Variants in CCDC102B observed in about 807,000 individuals in gnomAD.
CCDC102B encodes the protein coiled-coil domain-containing protein 102B.
In CCDC102B, 75 loss-of-function variants were observed where a neutral mutation model predicts 57.4. The ratio of observed to expected loss-of-function variants is 1.31; its 90% CI spans 1.08 to 1.58. The LOEUF (loss-of-function observed/expected upper bound fraction) is 1.58. Among genes scored for constraint, CCDC102B ranks in the 40% most tolerant of loss-of-function variants. The probability of loss-of-function intolerance (pLI) is 0.00; values close to 1 mark genes in which losing one functional copy is unlikely to be tolerated. For missense variants in CCDC102B, 636 were observed against 582.6 expected (o/e 1.09, Z -0.94); for synonymous variants, 206 against 201.9 (o/e 1.02, Z -0.17).
intron 5 of CCDC102B, among the ~76,000 whole-genome samples, chr18:68,884,452 C>T (rs1568310269): frequency 6.6e-6 from 1 of 151,820 alleles, no homozygotes; most frequent in Non-Finnish European, 1.5e-5. Flanking sequence ...TACATGTGAA[C>T]TCTAAAAATA....
intron 7 of CCDC102B, among the ~76,000 whole-genome samples, chr18:69,022,222 T>TATAAAA (rs1395799223): frequency 1.1e-4 from 10 of 95,008 alleles, no homozygotes; most frequent in African/African-American, 3.6e-4. Flanking sequence ...TATATATATA[T>TATAAAA]AACACACACA....
chr18:68,950,312 T>G (rs564175728), intron 6 of CCDC102B, among the ~76,000 whole-genome samples: 1 of 152,264 alleles, frequency 6.6e-6, no homozygotes, highest in African/African-American at 2.4e-5. Context: ...TATCCAGAGC[T>G]TAAGACTCAA....
intron 6 of CCDC102B, among the ~76,000 whole-genome samples, chr18:68,925,639 A>G (rs2145123170): frequency 6.6e-6 from 1 of 152,164 alleles, no homozygotes; most frequent in East Asian, 1.9e-4. Flanking sequence ...TTAAGCTATA[A>G]CATAAGTTGT....
At chr18:68,740,428 T>C (rs2145221130) in intron 2 of CCDC102B, among the ~76,000 whole-genome samples, 1 of 152,360 alleles carries the variant, frequency 6.6e-6, no homozygotes, top group East Asian at 1.9e-4. Flanking sequence ...ATCCCCATTA[T>C]AGTTTCCATA....
At chr18:68,744,630 A>G (rs2033539816) in intron 2 of CCDC102B, among the ~76,000 whole-genome samples, 1 of 152,082 alleles carries the variant, frequency 6.6e-6, no homozygotes, top group Non-Finnish European at 1.5e-5. Context: ...GAGGTCTCAT[A>G]CCATGGATTC....
intron 6 of CCDC102B, among the ~76,000 whole-genome samples, chr18:68,951,835 C>T (rs1025651516): frequency 2.6e-5 from 4 of 151,614 alleles, no homozygotes. Flanking sequence ...GAAAAACTGA[C>T]AGGTTATTTT....
chr18:68,849,514 C>T (rs2038028364), intron 4 of CCDC102B, among the ~76,000 whole-genome samples: 2 of 152,114 alleles, frequency 1.3e-5, no homozygotes, highest in Admixed American at 6.6e-5. Flanking sequence ...TTGCCTTTTC[C>T]TTCCAGGTCT....
At chr18:68,970,801 G>A (rs2050282720) in intron 6 of CCDC102B, among the ~76,000 whole-genome samples, 3 of 151,920 alleles carry the variant, frequency 2.0e-5, no homozygotes, top group Admixed American at 6.6e-5. Context: ...AGTACATGTG[G>A]AATCTGTAAT....
At chr18:68,734,007 T>C (rs1206608877) in intron 2 of CCDC102B, among the ~76,000 whole-genome samples, 2 of 152,178 alleles carry the variant, frequency 1.3e-5, no homozygotes, top group Admixed American at 6.5e-5. Flanking sequence ...AACAACAGTC[T>C]ACACGTTATT....
chr18:68,837,291 G>C lies in CCDC102B; in HGVS notation c.528G>C (p.Leu176Phe). 1 of 1,614,012 alleles carries C rather than the reference G, an allele frequency of 6.2e-7. No individual in the cohort carries two copies. Among genetic ancestry groups the C allele is most frequent in the Non-Finnish European group, 8.5e-7 (1 of 1,179,956 alleles). ...ESCEHTDQFQ[L>F]SSQMHESIRE... Reference sequence around the variant, plus strand: ...GTGAACATACAGACCAATTTCAATTGAGTTCACAAATGCATGAGTCTATCA... The same window carrying C: ...GTGAACATACAGACCAATTTCAATTCAGTTCACAAATGCATGAGTCTATCA... The change falls in exon 2 of 8, where the codon TTG becomes TTC. Residue 176 changes from leucine (L) to phenylalanine (F), a missense_variant. Transcript: ENST00000360242.
At chr18:68,948,540 T>G (rs1199352148) in intron 6 of CCDC102B, among the ~76,000 whole-genome samples, 3 of 152,106 alleles carry the variant, frequency 2.0e-5, no homozygotes, top group Non-Finnish European at 2.9e-5. Flanking sequence ...CAGAACTTCA[T>G]GATCACCAAA....
rs1214989078 is a variant in CCDC102B, at chr18:68,720,525, T to C, written c.-67+3931T>C. Among the ~76,000 whole-genome samples the C allele has an allele frequency of 2.0e-5, 3 of 152,306 alleles. No homozygotes were observed. The East Asian group carries it at 5.8e-4, about 29-fold the overall frequency. On this transcript the variant is annotated intron_variant, in intron 2 of 3. Transcript: ENST00000578970. ...AAGCGTTCTATGCACATGAACGTGG[T>C]TCCTGATCCAAGAGAGAACGTGCAC...
In CCDC102B at chr18:68,838,767, G is replaced by C. The variant is rs749112534; in HGVS notation, c.668G>C (p.Gly223Ala). The C allele has an allele frequency of 6.2e-7, 1 of 1,614,024 alleles. No homozygotes were observed. The highest frequency in any genetic ancestry group is 8.5e-7 in the Non-Finnish European group (1 of 1,179,954). The change falls in exon 3 of 8, where the codon GGT becomes GCT. Residue 223 changes from glycine to alanine, a missense_variant. Coordinates refer to ENST00000360242, the MANE Select transcript of CCDC102B (RefSeq NM_024781.3). ...GAGGAGATGAAGCCCAATCTAGATG[G>C]TGTTGATTTATTCAACAATGGTGGT... is the stretch of plus-strand genomic sequence containing the variant. ...LSEEMKPNLDGVDLFNNGGSG... is the reference protein window; with the variant it reads ...LSEEMKPNLDAVDLFNNGGSG...
intron 6 of CCDC102B, among the ~76,000 whole-genome samples, chr18:68,906,555 C>G (rs2040651581): frequency 6.6e-6 from 1 of 151,996 alleles, no homozygotes; most frequent in Non-Finnish European, 1.5e-5. Context: ...GGTTTGGTTT[C>G]TCATTGTGAT....
chr18:69,050,717 G>A (rs888749384), intron 7 of CCDC102B, among the ~76,000 whole-genome samples: 2 of 151,936 alleles, frequency 1.3e-5, no homozygotes, highest in African/African-American at 2.4e-5. Context: ...AGACACACAT[G>A]GGAAAACTGT....
intron 7 of CCDC102B, among the ~76,000 whole-genome samples, chr18:69,052,964 C>A (rs2052745367): frequency 6.6e-6 from 1 of 151,778 alleles, no homozygotes; most frequent in Non-Finnish European, 1.5e-5. Context: ...AGATTAGTGG[C>A]AAATACTACC....
chr18:68,884,056 A>G (rs891383116), intron 5 of CCDC102B, among the ~76,000 whole-genome samples: 15 of 152,178 alleles, frequency 9.9e-5, no homozygotes, highest in African/African-American at 3.1e-4. Context: ...ACACTCATAC[A>G]CTGTTGGTGG....
intron 2 of CCDC102B, 200 bp from the exon 3 acceptor site, chr18:68,838,506 G>A: frequency 1.0e-6 from 1 of 985,130 alleles, no homozygotes; most frequent in Non-Finnish European, 1.2e-6. Flanking sequence ...TTTTTTTTAT[G>A]AGAAAGTAGA....
chr18:68,895,506 A>G (rs116964781), intron 5 of CCDC102B, among the ~76,000 whole-genome samples: 1,782 of 151,922 alleles, frequency 0.012, 37 homozygotes, highest in East Asian at 0.081. Flanking sequence ...AACAGATTTT[A>G]TAACAGTATA....
Sources: allele counts gnomAD v4.1 joint callset (sites outside exome capture counted in the v4.1 genomes callset), GRCh38; gene constraint gnomAD v4.1.1; transcripts MANE v1.5; gene names NCBI Gene and HGNC (gene_info 2026-07-23, HGNC 2026-07-21).